LRRC4C: variants seen among roughly 807,000 people sequenced by gnomAD.
The protein encoded by LRRC4C is leucine rich repeat containing 4C, also known as leucine-rich repeat-containing protein 4C.
In LRRC4C, 5 loss-of-function variants were observed where a neutral mutation model predicts 33.6. The ratio of observed to expected loss-of-function variants is 0.15; its 90% CI spans 0.08 to 0.31. LRRC4C has a LOEUF of 0.31. Ranked by LOEUF, LRRC4C falls within the 10% of genes least tolerant of loss-of-function variation. The pLI is 1.00. For synonymous variants in LRRC4C, 329 were observed against 302.0 expected (o/e 1.09, Z -0.93); for missense variants, 560 against 796.7 (o/e 0.70, Z 3.58).
chr11:40,526,403 G>A (rs1034524250), intron 3 of LRRC4C, among the ~76,000 whole-genome samples: 1 of 152,128 alleles, frequency 6.6e-6, no homozygotes, highest in African/African-American at 2.4e-5. Flanking sequence ...AATCACCATA[G>A]ATAAAATGAA....
intron 4 of LRRC4C, among the ~76,000 whole-genome samples, chr11:40,312,674 G>A (rs1441300528): frequency 1.3e-5 from 2 of 152,108 alleles, no homozygotes; most frequent in Non-Finnish European, 2.9e-5. Context: ...AGGGGTTCCT[G>A]TTTTAGTCTT....
At position 41,012,672 on chromosome 11, in the gene LRRC4C, T is replaced by C. The variant is rs148920018; in HGVS notation, c.-495-78949A>G. The stretch of plus-strand genomic sequence containing the variant: ...TGAAGAACCTCCATAGAGTTTTACA[T>C]AGCGGCTGAACTAATTTACATTTTC... On this transcript the variant is annotated intron_variant, in intron 1 of 6. Coordinates refer to ENST00000528697, the MANE Select transcript of LRRC4C (RefSeq NM_001258419.2). 7.6e-3 allele frequency among the ~76,000 whole-genome samples: 1,153 copies of C among 152,292 alleles called. 14 individuals are homozygous for C. The highest frequency in any genetic ancestry group is 0.027 in the African/African-American group (1,106 of 41,566).
intron 1 of LRRC4C, among the ~76,000 whole-genome samples, chr11:41,040,137 CA>C (rs5791415): frequency 0.53 from 51,276 of 96,146 alleles, 11,115 homozygotes; most frequent in South Asian, 0.62. Flanking sequence ...GACTCTGTCT[CA>C]AAAAAAAAAA....
intron 1 of LRRC4C, among the ~76,000 whole-genome samples, chr11:41,236,587 C>A (rs1948033186): frequency 6.6e-6 from 1 of 151,588 alleles, no homozygotes; most frequent in Admixed American, 6.6e-5. Context: ...AAAAAAAAAC[C>A]TATTTCATAG....
At chr11:41,196,238 G>A (rs1946173668) in intron 1 of LRRC4C, among the ~76,000 whole-genome samples, 1 of 151,984 alleles carries the variant, frequency 6.6e-6, no homozygotes, top group Admixed American at 6.6e-5. Context: ...TTTGTTTGAA[G>A]ACAGAAACAC....
chr11:40,353,168 C>A (rs1590409771), intron 3 of LRRC4C, among the ~76,000 whole-genome samples: 1 of 151,854 alleles, frequency 6.6e-6, no homozygotes, highest in Admixed American at 6.6e-5. Flanking sequence ...AACTTTCTAC[C>A]CCAGTCTTTC....
At chr11:41,119,785 G>A (rs1003428468) in intron 1 of LRRC4C, among the ~76,000 whole-genome samples, 4 of 152,088 alleles carry the variant, frequency 2.6e-5, no homozygotes, top group East Asian at 3.9e-4. Context: ...ACTTAGGCTA[G>A]ATACATTTAT....
chr11:40,725,471 C>A (rs1202951394), intron 2 of LRRC4C, among the ~76,000 whole-genome samples: 1 of 151,360 alleles, frequency 6.6e-6, no homozygotes, highest in East Asian at 1.9e-4. Context: ...AGCCGAGAAT[C>A]CACCACTGCA....
intron 3 of LRRC4C, among the ~76,000 whole-genome samples, chr11:40,382,050 G>A (rs917415860): frequency 6.0e-5 from 8 of 133,410 alleles, no homozygotes; most frequent in Admixed American, 5.2e-4. Context: ...TCCGCCTCCC[G>A]GGTTCACGCC....
At chr11:40,441,705 A>G (rs921475136) in intron 3 of LRRC4C, among the ~76,000 whole-genome samples, 1 of 152,214 alleles carries the variant, frequency 6.6e-6, no homozygotes, top group Non-Finnish European at 1.5e-5. Context: ...GAAGTCTTCT[A>G]TGAGAAGGTG....
intron 1 of LRRC4C, among the ~76,000 whole-genome samples, chr11:41,043,899 G>T (rs1857599744): frequency 6.6e-6 from 1 of 151,914 alleles, no homozygotes; most frequent in African/African-American, 2.4e-5. Context: ...CACCAAGAAT[G>T]ATGGATAAGG....
chr11:40,828,439 T>G (rs751298020), intron 2 of LRRC4C, among the ~76,000 whole-genome samples: 8 of 151,796 alleles, frequency 5.3e-5, no homozygotes, highest in Non-Finnish European at 1.2e-4. Context: ...GAAACACATA[T>G]TGACATATTG....
chr11:41,079,130 C>T (rs78489746), intron 1 of LRRC4C, among the ~76,000 whole-genome samples: 1 of 152,272 alleles, frequency 6.6e-6, no homozygotes, highest in East Asian at 1.9e-4. Flanking sequence ...TATCTTTGGC[C>T]ATAGGTGATC....
rs1170931341 is a variant in LRRC4C at position 40,417,901 on chromosome 11, G to A, written c.-269-98180C>T. Among the ~76,000 whole-genome samples the A allele has an allele frequency of 3.3e-5, 5 of 152,142 alleles. No individual in the cohort carries two copies. The South Asian group carries it at 6.2e-4, about 19-fold the overall frequency. ...CAAATCTAATTCCACTTTGAATCAC[G>A]AGTCTGGTATCACGCAGAGCCAATG... is the stretch of plus-strand genomic sequence containing the variant. On this transcript the variant is annotated intron_variant, in intron 3 of 6. Transcript: ENST00000528697.
At chr11:40,848,626 T>C (rs1206082300) in intron 2 of LRRC4C, among the ~76,000 whole-genome samples, 4 of 152,274 alleles carry the variant, frequency 2.6e-5, no homozygotes, top group African/African-American at 9.6e-5. Context: ...TTCTGCTGAT[T>C]TGGGGTGGAG....
intron 2 of LRRC4C, among the ~76,000 whole-genome samples, chr11:40,737,268 G>A (rs1387441866): frequency 6.6e-6 from 1 of 152,122 alleles, no homozygotes; most frequent in Non-Finnish European, 1.5e-5. Flanking sequence ...GTATCATACT[G>A]AATGGGCAAA....
chr11:40,775,218 G>A (rs1044369469), intron 2 of LRRC4C, among the ~76,000 whole-genome samples: 2 of 151,942 alleles, frequency 1.3e-5, no homozygotes, highest in African/African-American at 2.4e-5. Flanking sequence ...AGACCATCCT[G>A]GCTAACATGG....
At chr11:41,235,552 C>G (rs1947983570) in intron 1 of LRRC4C, among the ~76,000 whole-genome samples, 1 of 152,064 alleles carries the variant, frequency 6.6e-6, no homozygotes. Flanking sequence ...TAGTCTCTCT[C>G]CCTCTATCCC....
chr11:41,199,032 T>C (rs1490290628), intron 1 of LRRC4C, among the ~76,000 whole-genome samples: 1 of 152,152 alleles, frequency 6.6e-6, no homozygotes, highest in East Asian at 1.9e-4. Flanking sequence ...AATCAGTGTT[T>C]AATAACTATG....
Sources: gnomAD v4.1 joint callset for allele counts (sites outside exome capture counted in the v4.1 genomes callset) on GRCh38, gnomAD v4.1.1 for gene constraint, MANE v1.5 for transcripts, NCBI Gene and HGNC (gene_info 2026-07-23, HGNC 2026-07-21) for gene names.